Variants in SCYL2 observed in about 807,000 individuals in gnomAD.
SCYL2 encodes the protein SCY1-like protein 2.
In SCYL2, 36 loss-of-function variants were observed where a neutral mutation model predicts 100.4. That is an observed-to-expected ratio of 0.36 (90% CI 0.27 to 0.47). SCYL2 has a LOEUF of 0.47. SCYL2 is among the 20% of genes least tolerant of loss of function. SCYL2 has a pLI of 1.00. For missense variants in SCYL2, 902 were observed against 1,083.9 expected (o/e 0.83, Z 2.36); for synonymous variants, 330 against 359.2 (o/e 0.92, Z 0.92).
intron 3 of SCYL2, chr12:100,296,693 T>C (rs559936304): frequency 6.6e-6 from 1 of 151,284 alleles, no homozygotes; most frequent in African/African-American, 2.4e-5. Flanking sequence ...CAAAAAAAAA[T>C]AGATTCAAAG....
chr12:100,299,535 C>T (rs183513272), intron 4 of SCYL2, among the ~76,000 whole-genome samples: 236 of 152,204 alleles, frequency 1.6e-3, no homozygotes, highest in Middle Eastern at 3.4e-3. Flanking sequence ...GTTTGTCTGT[C>T]CCTTGTCTCA....
chr12:100,268,159 T>A (rs995793848), intron 1 of SCYL2, among the ~76,000 whole-genome samples: 3 of 152,236 alleles, frequency 2.0e-5, no homozygotes, highest in Non-Finnish European at 4.4e-5. Flanking sequence ...ATGCCTGTAG[T>A]GACTTCATTG....
At chr12:100,333,449 A>G (rs1291793179) in intron 13 of SCYL2, among the ~76,000 whole-genome samples, 1 of 152,238 alleles carries the variant, frequency 6.6e-6, no homozygotes, top group East Asian at 1.9e-4. Flanking sequence ...TAGTGTATGT[A>G]TAAACACTCA....
chr12:100,313,319 A>G (rs1407898553), intron 6 of SCYL2, 103 bp from the exon 7 acceptor site: 4 of 533,912 alleles, frequency 7.5e-6, no homozygotes, highest in Admixed American at 6.7e-5. Context: ...TGTAGTCAGT[A>G]TATTTGTAGT....
rs755210631 is a variant in SCYL2, at chr12:100,326,752, T to C, written c.1640T>C (p.Leu547Ser). 6.2e-7 allele frequency: 1 copy of C among 1,603,920 alleles called. No homozygotes were observed. ...GAACCTGCGGTCCTCATGGGAATTT[T>C]AGGTAGCTGAAAATTTAATGTCATT... ...SKEPAVLMGI[L>S]GIYKCTFTHK... is the part of the protein sequence containing the mutation. Residue 547 changes from leucine (L) to serine (S), a missense_variant and splice_region_variant, in exon 12 of 18, where the codon TTA becomes TCA. Leu to Ser is a moderately radical substitution (Grantham distance 145, BLOSUM62 -2). Transcript: ENST00000360820.
In SCYL2 at chr12:100,281,019, G is replaced by GTTTTGTTTTTTTTT. The variant is rs2096297553; in HGVS notation, c.-28-1920_-28-1919insGTTTTTTTTTTTTT. ...ATTTTATTGTCCCTTTACCATCAGT[G>GTTTTGTTTTTTTTT]TTTTTTTTTTTTTTTTTTTTTTTTT... On this transcript the variant is annotated intron_variant, in intron 1 of 17. Transcript: ENST00000360820. Among the ~76,000 whole-genome samples the GTTTTGTTTTTTTTT allele has an allele frequency of 2.5e-3, 127 of 50,496 alleles. 7 individuals carry two copies. The highest frequency in any genetic ancestry group is 8.4e-3 in the African/African-American group (122 of 14,526). The allele number at this position is 50,496 out of a possible 152,430, so 33.1% of individuals were successfully genotyped here.
intron 2 of SCYL2, among the ~76,000 whole-genome samples, chr12:100,286,972 A>G (rs2096305086): frequency 6.6e-6 from 1 of 152,118 alleles, no homozygotes; most frequent in Non-Finnish European, 1.5e-5. Flanking sequence ...AAAAGTTTAT[A>G]TTTTGCTTTA....
At chr12:100,313,634 G>C in intron 7 of SCYL2, 96 bp downstream of exon 7, 1 of 659,006 alleles carries the variant, frequency 1.5e-6, no homozygotes. Flanking sequence ...TTTCCCCAGG[G>C]ATCCCTGTTC....
Position 100,310,475 on chromosome 12 carries a change from G to A in SCYL2, c.481-569G>A, listed in dbSNP as rs539054918. Among the ~76,000 whole-genome samples the A allele has an allele frequency of 1.2e-4, 19 of 152,244 alleles. 1 individual carries two copies. The South Asian group carries it at 3.5e-3, about 28-fold the overall frequency. On this transcript the variant is annotated intron_variant, in intron 4 of 17. Transcript: ENST00000360820. ...CAAGTCCTGGAAGTCAGTGTGCATT[G>A]GCTTGCCAAAAGCTACTCCTTGGAA...
intron 10 of SCYL2, among the ~76,000 whole-genome samples, chr12:100,322,686 C>T (rs2135920564): frequency 6.6e-6 from 1 of 151,970 alleles, no homozygotes; most frequent in South Asian, 2.1e-4. Context: ...TGGTGAAACC[C>T]CATCTCTACT....
chr12:100,299,257 AAAT>A, intron 4 of SCYL2, among the ~76,000 whole-genome samples: 1 of 152,030 alleles, frequency 6.6e-6, no homozygotes, highest in Admixed American at 6.6e-5. Flanking sequence ...ACAACAACAA[AAAT>A]AATATCTTCA....
chr12:100,297,628 C>T (rs2096322460), intron 3 of SCYL2, among the ~76,000 whole-genome samples: 4 of 152,220 alleles, frequency 2.6e-5, no homozygotes, highest in South Asian at 2.1e-4. Context: ...TTCCTTTGAG[C>T]GTATTCTGAA....
chr12:100,300,471 G>T (rs1468923899), intron 4 of SCYL2, among the ~76,000 whole-genome samples: 2 of 152,106 alleles, frequency 1.3e-5, no homozygotes, highest in African/African-American at 4.8e-5. Context: ...ATCTCCTCAA[G>T]CATTTATCCT....
rs12316013 is a variant in SCYL2, at chr12:100,313,755, C to T, written c.969+217C>T. On this transcript the variant is annotated intron_variant, in intron 7 of 17. Transcript: ENST00000360820. ...TTAATCTTACACAGCTAAATATGTA[C>T]GTAATTGCTCTGATAGAAAATTAAG... Among the ~76,000 whole-genome samples, 765 of 152,140 alleles carry T rather than the reference C, an allele frequency of 5.0e-3. 12 individuals carry two copies. The highest frequency in any genetic ancestry group is 0.017 in the African/African-American group (725 of 41,502).
intron 10 of SCYL2, among the ~76,000 whole-genome samples, chr12:100,323,220 C>T (rs1384958688): frequency 6.6e-6 from 1 of 152,068 alleles, no homozygotes; most frequent in South Asian, 2.1e-4. Context: ...TAAAGATAAA[C>T]GAGGACTTGT....
At chr12:100,269,813 T>G (rs966192240) in intron 1 of SCYL2, among the ~76,000 whole-genome samples, 1 of 152,184 alleles carries the variant, frequency 6.6e-6, no homozygotes, top group South Asian at 2.1e-4. Flanking sequence ...GATACAGATA[T>G]ACTTCACCTT....
intron 3 of SCYL2, among the ~76,000 whole-genome samples, chr12:100,294,433 C>T (rs1592940184): frequency 7.6e-5 from 3 of 39,426 alleles, no homozygotes; most frequent in Non-Finnish European, 1.6e-4. Flanking sequence ...GGCGGGGGGG[C>T]TCCTCACTTC....
At chr12:100,316,264 G>GTA (rs2096348596) in intron 9 of SCYL2, among the ~76,000 whole-genome samples, 2 of 152,290 alleles carry the variant, frequency 1.3e-5, no homozygotes, top group Admixed American at 1.3e-4. Flanking sequence ...AGTCTCTCAT[G>GTA]TATATAATAT....
At chr12:100,310,738 A>C (rs1249417818) in intron 4 of SCYL2, among the ~76,000 whole-genome samples, 1 of 152,246 alleles carries the variant, frequency 6.6e-6, no homozygotes, top group Non-Finnish European at 1.5e-5. Flanking sequence ...TTTCAAACTC[A>C]GGAACTGAAT....
Sources: gnomAD v4.1 joint callset for allele counts (sites outside exome capture counted in the v4.1 genomes callset) on GRCh38, gnomAD v4.1.1 for gene constraint, MANE v1.5 for transcripts, NCBI Gene and HGNC (gene_info 2026-07-23, HGNC 2026-07-21) for gene names.